Variants in GRIK2 observed in about 807,000 individuals in gnomAD.
GRIK2 encodes the protein glutamate ionotropic receptor kainate type subunit 2.
Under a neutral mutation model 100.3 loss-of-function variants are expected in GRIK2, and 32 were observed. That is an observed-to-expected ratio of 0.32 (90% CI 0.24 to 0.43). The LOEUF is 0.43. Among genes scored for constraint, GRIK2 ranks in the 20% least tolerant of loss-of-function variants. GRIK2 has a pLI of 1.00. For missense variants in GRIK2, 843 were observed against 1,114.9 expected (o/e 0.76, Z 3.47); for synonymous variants, 417 against 389.4 (o/e 1.07, Z -0.83).
intron 2 of GRIK2, among the ~76,000 whole-genome samples, chr6:101,575,535 A>G (rs1462626109): frequency 6.6e-6 from 1 of 152,038 alleles, no homozygotes; most frequent in Non-Finnish European, 1.5e-5. Context: ...TTAATCTGAA[A>G]CTAAACATAT....
intron 12 of GRIK2, among the ~76,000 whole-genome samples, chr6:101,899,817 C>A (rs1457951716): frequency 6.6e-6 from 1 of 152,100 alleles, no homozygotes; most frequent in Non-Finnish European, 1.5e-5. Context: ...TCAGAATATG[C>A]ACCTGAATAT....
intron 2 of GRIK2, among the ~76,000 whole-genome samples, chr6:101,558,752 G>C (rs544541129): frequency 6.9e-6 from 1 of 144,640 alleles, no homozygotes; most frequent in African/African-American, 2.6e-5. Flanking sequence ...GTCATTCTAT[G>C]TTCTGTCCCA....
chr6:102,020,117 G>T (rs1037363911), intron 14 of GRIK2, among the ~76,000 whole-genome samples: 3 of 151,888 alleles, frequency 2.0e-5, no homozygotes, highest in African/African-American at 7.2e-5. Context: ...ATTCCACAGA[G>T]TAAGTATCTC....
At chr6:101,475,719 G>A (rs187303676) in intron 2 of GRIK2, among the ~76,000 whole-genome samples, 3 of 151,700 alleles carry the variant, frequency 2.0e-5, no homozygotes, top group Non-Finnish European at 4.4e-5. Context: ...AGTACTATTG[G>A]GTAGCATACG....
intron 3 of GRIK2, among the ~76,000 whole-genome samples, chr6:101,625,515 G>A (rs1183335257): frequency 2.0e-5 from 3 of 151,768 alleles, no homozygotes; most frequent in Non-Finnish European, 4.4e-5. Context: ...TCACATGCCA[G>A]GTCTTCATAT....
At chr6:101,708,397 A>G (rs1773482793) in intron 7 of GRIK2, among the ~76,000 whole-genome samples, 1 of 151,724 alleles carries the variant, frequency 6.6e-6, no homozygotes, top group African/African-American at 2.4e-5. Context: ...AATAAAATAT[A>G]TAAAGTTGGA....
At chr6:101,929,924 GT>G (rs1790152004) in intron 14 of GRIK2, among the ~76,000 whole-genome samples, 1 of 152,024 alleles carries the variant, frequency 6.6e-6, no homozygotes, top group South Asian at 2.1e-4. Flanking sequence ...AAAACAATAC[GT>G]TCAGTATGGT....
intron 2 of GRIK2, among the ~76,000 whole-genome samples, chr6:101,565,114 CAG>C (rs1777190605): frequency 6.6e-6 from 1 of 152,102 alleles, no homozygotes; most frequent in Non-Finnish European, 1.5e-5. Flanking sequence ...CATTACCAAA[CAG>C]AACACATTCC....
intron 7 of GRIK2, chr6:101,744,580 C>CT (rs534814290): frequency 0.066 from 3,934 of 59,430 alleles, 271 homozygotes; most frequent in African/African-American, 0.17. Context: ...TTTTCTTTTT[C>CT]TTTTTTTTTT....
rs552234475 is a variant in GRIK2 at position 102,028,617 on chromosome 6, G to T, written c.2086-6724G>T. 5.9e-4 allele frequency among the ~76,000 whole-genome samples: 89 copies of T among 151,082 alleles called. 1 individual carries two copies. The highest frequency in any genetic ancestry group is 6.8e-4 in the Non-Finnish European group (46 of 67,418). ...ATTTTTCTTACAGTGCTTTTTTTAA[G>T]ATATGCATTTCATGCAATATCTCTG... On this transcript the variant is annotated intron_variant, in intron 14 of 16. Transcript: ENST00000369134.
chr6:101,671,092 T>C (rs1474631385), intron 4 of GRIK2, among the ~76,000 whole-genome samples: 6 of 152,218 alleles, frequency 3.9e-5, no homozygotes, highest in Non-Finnish European at 7.3e-5. Flanking sequence ...AGGGTTGTTA[T>C]TTGATTATTC....
chr6:101,964,425 A>C (rs557439329), intron 14 of GRIK2, among the ~76,000 whole-genome samples: 12 of 152,280 alleles, frequency 7.9e-5, no homozygotes, highest in Non-Finnish European at 1.6e-4. Context: ...GGGTTTCAGT[A>C]CCAGACCTGT....
At chr6:101,407,661 T>C (rs1775665942) in intron 2 of GRIK2, among the ~76,000 whole-genome samples, 1 of 152,092 alleles carries the variant, frequency 6.6e-6, no homozygotes, top group Non-Finnish European at 1.5e-5. Context: ...GTTCCTTTAC[T>C]CAGTGTCAAA....
chr6:101,912,571 C>G (rs1014470864), intron 12 of GRIK2, among the ~76,000 whole-genome samples: 1 of 151,544 alleles, frequency 6.6e-6, no homozygotes, highest in African/African-American at 2.4e-5. Context: ...TCATTGATAG[C>G]CAAAATCCTG....
At chr6:101,992,625 A>T (rs1037035036) in intron 14 of GRIK2, among the ~76,000 whole-genome samples, 1 of 151,634 alleles carries the variant, frequency 6.6e-6, no homozygotes, top group South Asian at 2.1e-4. Flanking sequence ...GACAGATTGA[A>T]TTTTTTTTAA....
chr6:101,679,535 T>A (rs1771088519), intron 5 of GRIK2, among the ~76,000 whole-genome samples: 1 of 152,170 alleles, frequency 6.6e-6, no homozygotes, highest in African/African-American at 2.4e-5. Flanking sequence ...CTCTCTAATA[T>A]GTTTGAAGTG....
chr6:101,645,908 T>C (rs1006059149), intron 4 of GRIK2, among the ~76,000 whole-genome samples: 4 of 151,988 alleles, frequency 2.6e-5, no homozygotes, highest in Non-Finnish European at 5.9e-5. Flanking sequence ...AAAATTTATC[T>C]TTATTTTTGA....
Position 101,929,898 on chromosome 6 carries a change from A to G in GRIK2, c.2085+1266A>G, listed in dbSNP as rs78053514. 9.0e-3 allele frequency among the ~76,000 whole-genome samples: 1,370 copies of G among 152,318 alleles called. 19 individuals are homozygous for G. Among genetic ancestry groups the G allele is most frequent in the African/African-American group, 0.031 (1,285 of 41,572 alleles). On this transcript the variant is annotated intron_variant, in intron 14 of 16. Transcript: ENST00000369134. The stretch of plus-strand genomic sequence containing the variant: ...ACTGTTATTTAATCAAATTTATTGA[A>G]TAATCAAATATAAGCAAAACAATAC...
intron 12 of GRIK2, among the ~76,000 whole-genome samples, chr6:101,919,458 G>A (rs1405535372): frequency 2.0e-5 from 3 of 151,722 alleles, no homozygotes; most frequent in Non-Finnish European, 3.0e-5. Context: ...GGAGAAATTG[G>A]GAAACAGAGA....
Sources: allele counts gnomAD v4.1 joint callset (sites outside exome capture counted in the v4.1 genomes callset), GRCh38; gene constraint gnomAD v4.1.1; transcripts MANE v1.5; gene names NCBI Gene and HGNC (gene_info 2026-07-23, HGNC 2026-07-21).